Variants in RHOU observed in about 807,000 individuals in gnomAD.
The protein encoded by RHOU is rho-related GTP-binding protein RhoU.
Under a neutral mutation model 12.6 loss-of-function variants are expected in RHOU, and 8 were observed. That is an observed-to-expected ratio of 0.64 (90% CI 0.37 to 1.15). The LOEUF (loss-of-function observed/expected upper bound fraction) is 1.15, where lower values mean the gene tolerates loss of function less well. RHOU is among the 50% of genes most tolerant of loss of function. The pLI, the probability that RHOU is intolerant of heterozygous loss-of-function variation, is 0.01. For missense variants in RHOU, 258 were observed against 347.0 expected (o/e 0.74, Z 2.04); for synonymous variants, 161 against 147.4 (o/e 1.09, Z -0.67).
the RHOU span, among the ~76,000 whole-genome samples, chr1:228,648,873 T>C: frequency 6.6e-6 from 1 of 151,880 alleles, no homozygotes; most frequent in Non-Finnish European, 1.5e-5. Flanking sequence ...TCTTTCTTTC[T>C]TTCTTTCTTT....
the RHOU span, among the ~76,000 whole-genome samples, chr1:228,715,828 G>T: frequency 1.1e-5 from 1 of 94,166 alleles, no homozygotes; most frequent in African/African-American, 8.5e-5. Context: ...TATAATTGTG[G>T]TGGATTTTTT....
the RHOU span, among the ~76,000 whole-genome samples, chr1:228,695,645 A>G: frequency 6.6e-6 from 1 of 152,138 alleles, no homozygotes; most frequent in Non-Finnish European, 1.5e-5. Context: ...GAATATTACA[A>G]AGGATACAAA....
the RHOU span, among the ~76,000 whole-genome samples, chr1:228,696,510 C>T: frequency 6.6e-6 from 1 of 152,054 alleles, no homozygotes; most frequent in African/African-American, 2.4e-5. Flanking sequence ...TATTTCTCCT[C>T]TTAGTAGTTT....
At chr1:228,742,776 G>A (rs1662750841) in intron 2 of RHOU, among the ~76,000 whole-genome samples, 1 of 152,196 alleles carries the variant, frequency 6.6e-6, no homozygotes, top group African/African-American at 2.4e-5. Flanking sequence ...GGATGAAATT[G>A]GCATCACTCA....
At chr1:228,687,511 G>T in the RHOU span, 3 of 1,582,058 alleles carry the variant, frequency 1.9e-6, no homozygotes, top group Non-Finnish European at 1.7e-6. Flanking sequence ...CAACGAGGTG[G>T]CCGAATCTTC....
At chr1:228,707,186 T>TATATATATAC in the RHOU span, among the ~76,000 whole-genome samples, 3 of 104,550 alleles carry the variant, frequency 2.9e-5, no homozygotes, top group African/African-American at 4.7e-5. Context: ...TAACAAAATA[T>TATATATATAC]ATATATATAC....
the RHOU span, among the ~76,000 whole-genome samples, chr1:228,674,919 C>T: frequency 6.6e-6 from 1 of 151,622 alleles, no homozygotes; most frequent in African/African-American, 2.4e-5. Context: ...TTAGTAAAGA[C>T]GGGATTTCAC....
At chr1:228,646,774 C>G in the RHOU span, among the ~76,000 whole-genome samples, 1 of 151,984 alleles carries the variant, frequency 6.6e-6, no homozygotes, top group Admixed American at 6.6e-5. Flanking sequence ...GTTCCGGAAC[C>G]CGCACGCGAG....
upstream of RHOU, chr1:228,735,387 C>T (rs934726147): frequency 8.8e-5 from 14 of 159,324 alleles, no homozygotes; most frequent in African/African-American, 3.1e-4. This position sits in a 1 kb window ranked among gnomAD's most constrained non-coding sequence, Gnocchi z 8.1. Flanking sequence ...GGGACCGAGC[C>T]GCTCGGCCAG....
the RHOU span, among the ~76,000 whole-genome samples, chr1:228,678,102 G>A: frequency 1.3e-5 from 2 of 152,154 alleles, no homozygotes; most frequent in African/African-American, 4.8e-5. Context: ...GTAGGGAAGA[G>A]AGGGGGCCTG....
chr1:228,709,592 A>G, the RHOU span, among the ~76,000 whole-genome samples: 2 of 146,928 alleles, frequency 1.4e-5, no homozygotes, highest in Non-Finnish European at 3.0e-5. Flanking sequence ...GCAGAAATAA[A>G]GATGTTCTTT....
the RHOU span, among the ~76,000 whole-genome samples, chr1:228,727,389 C>G: frequency 4.9e-4 from 75 of 152,144 alleles, no homozygotes; most frequent in Non-Finnish European, 7.9e-4. Context: ...CTCACTGCAA[C>G]CTCTCTGTCT....
chr1:228,673,788 A>T, the RHOU span, among the ~76,000 whole-genome samples: 1 of 152,226 alleles, frequency 6.6e-6, no homozygotes, highest in Admixed American at 6.5e-5. Flanking sequence ...AGTCTCAGGT[A>T]GTTCTTTATA....
chr1:228,706,847 C>G, the RHOU span, among the ~76,000 whole-genome samples: 1 of 151,798 alleles, frequency 6.6e-6, no homozygotes, highest in Non-Finnish European at 1.5e-5. Context: ...ATATCATTGA[C>G]TATCAAGAAT....
the RHOU span, among the ~76,000 whole-genome samples, chr1:228,708,728 G>T: frequency 1.3e-5 from 2 of 151,984 alleles, no homozygotes; most frequent in East Asian, 1.9e-4. Flanking sequence ...AGACCATCGA[G>T]ACTAGGAAGA....
chr1:228,646,788 G>A, the RHOU span, among the ~76,000 whole-genome samples: 3 of 151,988 alleles, frequency 2.0e-5, no homozygotes, highest in Non-Finnish European at 2.9e-5. Flanking sequence ...ACGCGAGCAC[G>A]GGTGCGCAGA....
the RHOU span, among the ~76,000 whole-genome samples, chr1:228,659,950 C>A: frequency 1.8e-5 from 2 of 112,238 alleles, no homozygotes; most frequent in African/African-American, 7.2e-5. Flanking sequence ...AAAACCTGGT[C>A]TCTACAAAAA....
In RHOU at chr1:228,736,013, G is replaced by C. The variant is rs751676013; in HGVS notation, c.262+9G>C. On this transcript the variant is annotated intron_variant, in intron 1 of 2. Transcript: ENST00000366691. The stretch of plus-strand genomic sequence containing the variant: ...CTTCGACAACTTCTCCGGTGAGCTG[G>C]CCGGGGGGCCGGGGCCGGGGGCGCG... The C allele has an allele frequency of 9.5e-6, 15 of 1,571,454 alleles. No homozygotes were observed. The highest frequency in any genetic ancestry group is 1.2e-5 in the Non-Finnish European group (14 of 1,166,000).
the RHOU span, among the ~76,000 whole-genome samples, chr1:228,698,786 C>T: frequency 6.6e-6 from 1 of 152,172 alleles, no homozygotes; most frequent in Non-Finnish European, 1.5e-5. Flanking sequence ...CCCACATCGG[C>T]CCTTTGTCTT....
Sources: gnomAD v4.1 joint callset for allele counts (sites outside exome capture counted in the v4.1 genomes callset) on GRCh38, gnomAD v4.1.1 for gene constraint, Gnocchi (gnomAD v3.1) non-coding constraint, MANE v1.5 for transcripts, NCBI Gene and HGNC (gene_info 2026-07-23, HGNC 2026-07-21) for gene names.